The following TRAPPC9 variants were observed in gnomAD, a reference collection of about 807,000 sequenced individuals.
TRAPPC9 encodes the protein IKK2 binding protein.
TRAPPC9 carries 83 observed loss-of-function variants against 124.0 expected under a neutral mutation model. The observed-to-expected ratio is 0.67, with a 90% CI of 0.56 to 0.80. TRAPPC9 has a LOEUF of 0.80. TRAPPC9 is among the 30% of genes least tolerant of loss of function. The probability of loss-of-function intolerance (pLI) is 0.00; values close to 1 mark genes in which losing one functional copy is unlikely to be tolerated. For missense variants in TRAPPC9, 1,302 were observed against 1,508.3 expected, an observed-to-expected ratio of 0.86 and a Z score of 2.27; for synonymous variants, 638 against 617.5, an observed-to-expected ratio of 1.03 and a Z score of -0.49.
rs1015563804 is a variant in TRAPPC9 at position 140,451,035 on chromosome 8, G to A, written c.339C>T (p.Ser113=). ...KEIYGSTLYD[S]RLFVFGLQGE... is the part of the protein sequence containing the mutation. ...CCTGCAGCCCGAAGACAAAGAGCCGGGAGTCATACAGTGTGGAGCCGTAGA... is the reference window on the plus strand; with the variant it reads ...CCTGCAGCCCGAAGACAAAGAGCCGAGAGTCATACAGTGTGGAGCCGTAGA... The change falls in exon 2 of 23, where the codon TCC becomes TCT. Residue 113 remains serine, a synonymous_variant. Coordinates refer to ENST00000438773, the MANE Select transcript of TRAPPC9 (RefSeq NM_001160372.4). 2.5e-6 allele frequency: 4 copies of A among 1,614,076 alleles called. No individual in the cohort carries two copies. The highest frequency in any genetic ancestry group is 2.5e-6 in the Non-Finnish European group (3 of 1,180,032).
chr8:139,766,987 C>A (rs144723651), intron 21 of TRAPPC9, among the ~76,000 whole-genome samples: 2 of 152,206 alleles, frequency 1.3e-5, no homozygotes, highest in African/African-American at 4.8e-5. Flanking sequence ...CCCTGGAGTG[C>A]GGCCCTGGCA....
rs2067638614 is a variant in TRAPPC9 at position 140,353,193 on chromosome 8, G to C, written c.1495+6857C>G. ...TGCAACGCAAACCATCTATACTCTAGCGTGAGAACATCACACTCCCTGCCA... is the reference window on the plus strand; with the variant it reads ...TGCAACGCAAACCATCTATACTCTACCGTGAGAACATCACACTCCCTGCCA... On this transcript the variant is annotated intron_variant, in intron 9 of 22. Transcript: ENST00000438773. This position sits in a 1 kb window ranked among gnomAD's most constrained non-coding sequence, Gnocchi z 4.2. Among the ~76,000 whole-genome samples, 1 of 152,120 alleles carries C rather than the reference G, an allele frequency of 6.6e-6. No individual in the cohort carries two copies. The highest frequency in any genetic ancestry group is 1.5e-5 in the Non-Finnish European group (1 of 68,030).
rs748126638 is a variant in TRAPPC9, at chr8:139,907,047, C to T, written c.2964+3100G>A. ...AGGGAAGCTCCCATCAGCCCCACAA[C>T]GCTGCACTGCAAGTGCCCATCTCTG... On this transcript the variant is annotated intron_variant, in intron 20 of 22. Transcript: ENST00000438773. The surrounding 1 kb of genome is among the most constrained non-coding windows in gnomAD (Gnocchi z 4.7). Among the ~76,000 whole-genome samples, 5 of 152,228 alleles carry T rather than the reference C, an allele frequency of 3.3e-5. No individual in the cohort carries two copies. The highest frequency in any genetic ancestry group is 1.3e-4 in the Admixed American group (2 of 15,286).
upstream of TRAPPC9, chr8:140,458,253 G>C: frequency 6.4e-7 from 1 of 1,551,636 alleles, no homozygotes; most frequent in African/African-American, 1.4e-5. Context: ...CAGCTGGAAG[G>C]AGGCCCAGTT....
intron 21 of TRAPPC9, among the ~76,000 whole-genome samples, chr8:139,875,717 G>C (rs1214289611): frequency 6.6e-6 from 1 of 152,168 alleles, no homozygotes; most frequent in African/African-American, 2.4e-5. Context: ...TCACCATCGT[G>C]GTCTCCAGGA....
At chr8:140,011,922 C>T (rs1347744153) in intron 18 of TRAPPC9, among the ~76,000 whole-genome samples, 1 of 152,072 alleles carries the variant, frequency 6.6e-6, no homozygotes, top group Non-Finnish European at 1.5e-5. Context: ...AGGTGATCCT[C>T]CTGCCTCAGC....
chr8:140,389,842 C>CAAAAAAAAAA (rs397971049), intron 7 of TRAPPC9, among the ~76,000 whole-genome samples: 4 of 92,558 alleles, frequency 4.3e-5, no homozygotes, highest in Non-Finnish European at 9.8e-5. Flanking sequence ...CAACAATAAC[C>CAAAAAAAAAA]AAAAAAAAAA....
chr8:140,153,873 T>C (rs969689425), intron 17 of TRAPPC9, among the ~76,000 whole-genome samples: 2 of 152,110 alleles, frequency 1.3e-5, no homozygotes, highest in African/African-American at 4.8e-5. Flanking sequence ...TTTTGTAACA[T>C]ACCCCATGCT....
chr8:140,198,999 C>T (rs766937024), intron 17 of TRAPPC9, among the ~76,000 whole-genome samples: 23 of 152,192 alleles, frequency 1.5e-4, no homozygotes, highest in Non-Finnish European at 2.8e-4. Flanking sequence ...CGGCAACACC[C>T]GGCACAGGGC....
At chr8:139,957,647 CAAGT>C (rs1835087903) in intron 19 of TRAPPC9, among the ~76,000 whole-genome samples, 1 of 152,230 alleles carries the variant, frequency 6.6e-6, no homozygotes, top group Non-Finnish European at 1.5e-5. Context: ...GAGAAAGAAG[CAAGT>C]GTCACATTCC....
At chr8:140,206,196 G>A (rs1489207521) in intron 17 of TRAPPC9, among the ~76,000 whole-genome samples, 8 of 152,162 alleles carry the variant, frequency 5.3e-5, no homozygotes, top group Non-Finnish European at 8.8e-5. Flanking sequence ...GGAAAATTCA[G>A]TATCCTTTCC....
At chr8:140,126,137 TA>T (rs199669452) in intron 17 of TRAPPC9, among the ~76,000 whole-genome samples, 1,703 of 152,214 alleles carry the variant, frequency 0.011, 10 homozygotes, top group Non-Finnish European at 0.013. Flanking sequence ...TCTTCCTTAG[TA>T]AAGTTGATTT....
chr8:140,244,774 T>C (rs2063938358), intron 16 of TRAPPC9, among the ~76,000 whole-genome samples: 1 of 150,502 alleles, frequency 6.6e-6, no homozygotes, highest in African/African-American at 2.5e-5. Flanking sequence ...TACGCAGAAG[T>C]ATTATTACTA....
At chr8:140,331,087 A>C (rs774062186) in intron 9 of TRAPPC9, among the ~76,000 whole-genome samples, 8 of 152,118 alleles carry the variant, frequency 5.3e-5, no homozygotes, top group Admixed American at 1.3e-4. Flanking sequence ...AAGCTATAGT[A>C]AGCAAAACAT....
At chr8:140,291,139 A>G in intron 11 of TRAPPC9, 61 bp from the exon 12 acceptor site, 1 of 1,456,196 alleles carries the variant, frequency 6.9e-7, no homozygotes, top group Non-Finnish European at 9.6e-7. Flanking sequence ...CACTTTCTAC[A>G]TGGTTTCCAA....
At chr8:140,272,422 G>A (rs924158639) in intron 15 of TRAPPC9, among the ~76,000 whole-genome samples, 1 of 148,458 alleles carries the variant, frequency 6.7e-6, no homozygotes, top group Non-Finnish European at 1.5e-5. Flanking sequence ...TGATGGTGAT[G>A]GTGGTGATGG....
intron 16 of TRAPPC9, among the ~76,000 whole-genome samples, chr8:140,250,551 C>A (rs575178093): frequency 6.6e-6 from 1 of 152,280 alleles, no homozygotes; most frequent in Admixed American, 6.5e-5. Flanking sequence ...AGCCACTTCA[C>A]ATAAGGGCGC....
intron 16 of TRAPPC9, among the ~76,000 whole-genome samples, chr8:140,233,264 G>A (rs560488077): frequency 1.8e-4 from 28 of 152,032 alleles, no homozygotes; most frequent in African/African-American, 6.8e-4. Flanking sequence ...GAGGGCAGTG[G>A]TGCGATCTCA....
intron 21 of TRAPPC9, among the ~76,000 whole-genome samples, chr8:139,848,499 T>C (rs1827243771): frequency 6.6e-6 from 1 of 151,884 alleles, no homozygotes; most frequent in Non-Finnish European, 1.5e-5. Flanking sequence ...AGATATGGAA[T>C]AAACATATAT....
Sources: gnomAD v4.1 joint callset for allele counts (sites outside exome capture counted in the v4.1 genomes callset) on GRCh38, gnomAD v4.1.1 for gene constraint, Gnocchi (gnomAD v3.1) non-coding constraint, MANE v1.5 for transcripts, NCBI Gene and HGNC (gene_info 2026-07-23, HGNC 2026-07-21) for gene names.